The following CUBN variants were observed in gnomAD, a reference collection of about 807,000 sequenced individuals.
The protein encoded by CUBN is cubilin, also known as 460 kDa receptor.
Under a neutral mutation model 405.3 loss-of-function variants are expected in CUBN, and 282 were observed. The observed-to-expected ratio is 0.70, with a 90% CI of 0.63 to 0.77. The LOEUF is 0.77. Among genes scored for constraint, CUBN ranks in the 30% least tolerant of loss-of-function variants. The pLI, the probability that CUBN is intolerant of heterozygous loss-of-function variation, is 0.00. For synonymous variants in CUBN, 1,684 were observed against 1,617.0 expected (o/e 1.04, Z -0.99); for missense variants, 4,514 against 4,475.2 (o/e 1.01, Z -0.25).
At chr10:17,081,519 G>A (rs1411829454) in intron 17 of CUBN, among the ~76,000 whole-genome samples, 1 of 152,000 alleles carries the variant, frequency 6.6e-6, no homozygotes, top group Non-Finnish European at 1.5e-5. Context: ...ATTTTTTAGA[G>A]ATAGCTTTAA....
chr10:16,946,574 C>T (rs1842789877), intron 36 of CUBN, among the ~76,000 whole-genome samples: 1 of 148,434 alleles, frequency 6.7e-6, no homozygotes, highest in African/African-American at 2.5e-5. Flanking sequence ...CAGTGCACCA[C>T]AACCTCCACC....
chr10:17,116,342 T>G (rs545938636), intron 6 of CUBN, among the ~76,000 whole-genome samples: 29 of 152,320 alleles, frequency 1.9e-4, no homozygotes, highest in African/African-American at 6.7e-4. Flanking sequence ...TAATGGGAAC[T>G]TCTATGATCT....
In CUBN at chr10:16,872,818, A is replaced by G. The variant is rs547482032; in HGVS notation, c.9236+1556T>C. The stretch of plus-strand genomic sequence containing the variant: ...TCACGCCTGTGCAGGCATACTTCAC[A>G]GAACTCCTGCTCCTGGCCATCTGAC... On this transcript the variant is annotated intron_variant, in intron 58 of 66. Coordinates refer to ENST00000377833, the MANE Select transcript of CUBN (RefSeq NM_001081.4). 3.3e-5 allele frequency among the ~76,000 whole-genome samples: 5 copies of G among 152,358 alleles called. No individual in the cohort carries two copies. The South Asian group carries it at 8.3e-4, about 25-fold the overall frequency.
At position 17,129,770 on chromosome 10, in the gene CUBN, C is replaced by G; in HGVS notation, c.-5G>C. 1 of 1,613,928 alleles carries G rather than the reference C, an allele frequency of 6.2e-7. No homozygotes were observed. The highest frequency in any genetic ancestry group is 8.5e-7 in the Non-Finnish European group (1 of 1,179,882). ...AGGTAAAGACATGTTCATCATCAAC[C>G]TCCCAGGTTGGCAGGTAAGAGTGAG... On this transcript the variant is annotated 5_prime_UTR_variant, in exon 1 of 67. Coordinates refer to ENST00000377833, the MANE Select transcript of CUBN (RefSeq NM_001081.4).
chr10:17,129,310 A>G (rs1366576824), intron 1 of CUBN, 60 bp from the exon 2 acceptor site: 1 of 1,577,088 alleles, frequency 6.3e-7, no homozygotes, highest in Non-Finnish European at 8.7e-7. Context: ...TTAAACCAAA[A>G]TAACAAAGTT....
Position 16,825,066 on chromosome 10 carries a change from G to C in CUBN, c.10781C>G (p.Pro3594Arg). The C allele has an allele frequency of 6.2e-7, 1 of 1,613,006 alleles. No homozygotes were observed. Among genetic ancestry groups the C allele is most frequent in the African/African-American group, 1.3e-5 (1 of 74,888 alleles). ...GACCTGATTTGAGGAAGCCACGAAG[G>C]GAGCTATGCTGGTGTCCTAAAATTG... The part of the protein sequence containing the change: ...PYCGGDTSIA[P>R]FVASSNQVFI... Residue 3594 changes from proline (P) to arginine (R), a missense_variant, in exon 67 of 67, where the codon CCC becomes CGC. By Grantham distance (103) the Pro-to-Arg change is moderately radical (BLOSUM62 -2). This residue lies in a region of CUBN where 1,186 missense variants were observed against 1,186.9 expected (regional missense o/e 1.00). Transcript: ENST00000377833.
chr10:17,068,524 T>G, intron 20 of CUBN, 81 bp downstream of exon 20: 2 of 1,276,376 alleles, frequency 1.6e-6, no homozygotes, highest in Non-Finnish European at 2.2e-6. Flanking sequence ...TACAGATGAT[T>G]TTCATATAAT....
intron 28 of CUBN, among the ~76,000 whole-genome samples, chr10:17,017,832 T>C (rs1022963325): frequency 6.6e-6 from 1 of 152,132 alleles, no homozygotes; most frequent in African/African-American, 2.4e-5. Context: ...GAAGCGGGAC[T>C]AGCCTCAGAG....
Position 17,109,691 on chromosome 10 carries a change from A to C in CUBN, c.1060T>G (p.Ser354Ala). The change falls in exon 10 of 67, where the codon TCA (serine) becomes GCA (alanine). Residue 354 changes from serine to alanine, a missense_variant. Transcript: ENST00000377833. ...GRVCTLTDICSVSNGGCHPDA... is the reference protein window; with the variant it reads ...GRVCTLTDICAVSNGGCHPDA... ...GGGTGGCAGCCTCCATTACTGACTG[A>C]GCAGATGTCTGTGAGTGTGCACACT... is the stretch of plus-strand genomic sequence containing the variant. 6.2e-7 allele frequency: 1 copy of C among 1,613,966 alleles called. No individual in the cohort carries two copies. The highest frequency in any genetic ancestry group is 2.2e-5 in the East Asian group (1 of 44,854).
At chr10:16,948,382 G>A (rs2131621654) in intron 35 of CUBN, 96 bp downstream of exon 35, 1 of 1,547,928 alleles carries the variant, frequency 6.5e-7, no homozygotes, top group African/African-American at 1.4e-5. Context: ...TCAGGAAACT[G>A]GCTCCCAACT....
In CUBN at chr10:16,967,707, G is replaced by T. The variant is rs534822730; in HGVS notation, c.4696-13159C>A. Among the ~76,000 whole-genome samples, 6 of 151,482 alleles carry T rather than the reference G, an allele frequency of 4.0e-5. No individual in the cohort carries two copies. In the Middle Eastern group the frequency reaches 0.017, roughly 429 times the overall value. On this transcript the variant is annotated intron_variant, in intron 31 of 66. Coordinates refer to ENST00000377833, the MANE Select transcript of CUBN (RefSeq NM_001081.4). ...GAGAGAGATACAGGGAGGAGAGAGAGAAAGAGACAAAAAGGGAGAGGGAGA... is the reference window on the plus strand; with the variant it reads ...GAGAGAGATACAGGGAGGAGAGAGATAAAGAGACAAAAAGGGAGAGGGAGA...
chr10:16,966,314 G>A (rs2932910), intron 31 of CUBN, among the ~76,000 whole-genome samples: 1 of 151,918 alleles, frequency 6.6e-6, no homozygotes, highest in Non-Finnish European at 1.5e-5. Flanking sequence ...CATAAACCCA[G>A]AACTTCTATC....
rs139579256 is a variant in CUBN at position 16,938,947 on chromosome 10, G to A, written c.5733+16C>T. ...TCACCAATATTTATGAACATTGATT[G>A]CATGTGGAAACTCACCCTTAATTTG... On this transcript the variant is annotated intron_variant, in intron 38 of 66. Coordinates refer to ENST00000377833, the MANE Select transcript of CUBN (RefSeq NM_001081.4). 201 of 1,597,670 alleles carry A rather than the reference G, an allele frequency of 1.3e-4. 1 individual carries two copies. In the African/African-American group the frequency reaches 2.4e-3, roughly 19 times the overall value.
intron 10 of CUBN, among the ~76,000 whole-genome samples, chr10:17,108,629 A>G (rs1836694672): frequency 6.6e-6 from 1 of 152,124 alleles, no homozygotes; most frequent in African/African-American, 2.4e-5. Context: ...AAGAAACCAT[A>G]GAAGTATAAA....
intron 31 of CUBN, among the ~76,000 whole-genome samples, chr10:16,970,764 T>A (rs901801658): frequency 1.3e-5 from 2 of 152,184 alleles, no homozygotes; most frequent in African/African-American, 4.8e-5. Context: ...AATTTCTACT[T>A]AGCCTTGACC....
At position 16,836,360 on chromosome 10, in the gene CUBN, T is replaced by A. The variant is rs2131312564; in HGVS notation, c.10055A>T (p.Gln3352Leu). The A allele has an allele frequency of 1.2e-6, 2 of 1,614,110 alleles. No homozygotes were observed. Among genetic ancestry groups the A allele is most frequent in the Non-Finnish European group, 1.7e-6 (2 of 1,179,928 alleles). The change falls in exon 63 of 67, where the codon CAG becomes CTG. Residue 3352 changes from glutamine to leucine, a missense_variant. By Grantham distance (113) the Gln-to-Leu change is moderately radical. This residue lies in a region of CUBN where 1,186 missense variants were observed against 1,186.9 expected (regional missense o/e 1.00). Transcript: ENST00000377833. ...AGCCGAAGCATTTCTGCCACAGAAC[T>A]GAAATCTTGAATTTCCGTGACCCTG... ...SPQGHGNSRF[Q>L]FCGRNASAVP... is the part of the protein sequence containing the mutation.
intron 31 of CUBN, among the ~76,000 whole-genome samples, chr10:16,955,946 A>G (rs1180850900): frequency 6.6e-6 from 1 of 152,370 alleles, no homozygotes; most frequent in Non-Finnish European, 1.5e-5. Context: ...AATGTGACTG[A>G]AAGTATGAAG....
intron 59 of CUBN, among the ~76,000 whole-genome samples, chr10:16,860,370 G>C (rs1839979173): frequency 6.6e-6 from 1 of 152,022 alleles, no homozygotes; most frequent in Admixed American, 6.6e-5. Flanking sequence ...AGAACAAGTA[G>C]AAATTAAGGC....
chr10:17,047,340 TAA>T lies in CUBN; in HGVS notation c.3329+72_3329+73del. On this transcript the variant is annotated intron_variant, in intron 23 of 66. Transcript: ENST00000377833. ...CAGAGAATTTCCATATTTTTTTCCT[TAA>T]TCTTCCTAGGAAAGATTATTAATGA... 3 of 1,271,470 alleles carry T rather than the reference TAA, an allele frequency of 2.4e-6. No individual in the cohort carries two copies. The Admixed American group carries it at 5.8e-5, about 25-fold the overall frequency. 78.8% of individuals were successfully genotyped at this position (1,271,470 alleles called of 1,614,324 possible).
Sources: gnomAD v4.1 joint callset for allele counts (sites outside exome capture counted in the v4.1 genomes callset) on GRCh38, gnomAD v4.1.1 for gene constraint, gnomAD v4.1.1 regional missense constraint, MANE v1.5 for transcripts, NCBI Gene and HGNC (gene_info 2026-07-23, HGNC 2026-07-21) for gene names.